KCNN1: variants seen among roughly 807,000 people sequenced by gnomAD.
KCNN1 encodes small conductance calcium-activated potassium channel protein 1.
In KCNN1, 20 loss-of-function variants were observed where a neutral mutation model predicts 44.7. The observed-to-expected ratio is 0.45, with a 90% CI of 0.32 to 0.65. KCNN1 has a LOEUF of 0.65. Among genes scored for constraint, KCNN1 ranks in the 30% least tolerant of loss-of-function variants. The pLI, the probability that KCNN1 is intolerant of heterozygous loss-of-function variation, is 0.05. For synonymous variants in KCNN1, 324 were observed against 341.7 expected (o/e 0.95, Z 0.57); for missense variants, 632 against 785.3 (o/e 0.80, Z 2.33).
Position 17,967,141 on chromosome 19 carries a change from C to T in KCNN1, c.-258C>T. ...CCCCCCGCCGGGCCCGTGGACTGGG[C>T]GGCGGGGGATGCGCCTGCCGCCGCC... On this transcript the variant is annotated 5_prime_UTR_variant, in exon 1 of 10. Coordinates refer to ENST00000684775, the MANE Select transcript of KCNN1 (RefSeq NM_001386974.1). 1 of 972,192 alleles carries T rather than the reference C, an allele frequency of 1.0e-6. No homozygotes were observed. The allele number at this position is 972,192 out of a possible 1,614,324, so 60.2% of individuals were successfully genotyped here. A position where few individuals can be genotyped will look rare whatever the true frequency, so the allele number is the denominator to read the frequency against.
chr19:17,951,716 G>A (rs894268570), intron 1 of KCNN1, among the ~76,000 whole-genome samples: 11 of 152,184 alleles, frequency 7.2e-5, no homozygotes. Flanking sequence ...TTCCTAGCTG[G>A]GACCTTCCAG....
rs2032760215 is a variant in KCNN1 at position 17,990,736 on chromosome 19, C to G, written c.1298+893C>G. Reference sequence around the variant, plus strand: ...AATGGCATGAACCCAGGAGGCGGAGCTCGCAGTAAGCTGAGATTGCGCCGC... The same window carrying G: ...AATGGCATGAACCCAGGAGGCGGAGGTCGCAGTAAGCTGAGATTGCGCCGC... On this transcript the variant is annotated intron_variant, in intron 7 of 9. Coordinates refer to ENST00000684775, the MANE Select transcript of KCNN1 (RefSeq NM_001386974.1). 3.4e-5 allele frequency among the ~76,000 whole-genome samples: 5 copies of G among 148,592 alleles called. No individual in the cohort carries two copies. In the Admixed American group the frequency reaches 3.4e-4, roughly 10 times the overall value.
chr19:17,988,307 C>T, intron 5 of KCNN1, 108 bp from the exon 6 acceptor site: 2 of 828,988 alleles, frequency 2.4e-6, no homozygotes, highest in Non-Finnish European at 3.9e-6. Flanking sequence ...GGAATCCACT[C>T]ACACTGCTGG....
chr19:17,989,898 G>A (rs2032727430), intron 7 of KCNN1, 55 bp downstream of exon 7: 3 of 1,609,904 alleles, frequency 1.9e-6, no homozygotes, highest in East Asian at 2.2e-5. Context: ...CGCGGAGGCA[G>A]CCCTCGCAGC....
rs368157680 is a variant in KCNN1 at position 17,998,120 on chromosome 19, G to A, written c.1378-32G>A. 21 of 1,544,052 alleles carry A rather than the reference G, an allele frequency of 1.4e-5. No homozygotes were observed. The highest frequency in any genetic ancestry group is 6.8e-5 in the African/African-American group (5 of 73,162). On this transcript the variant is annotated intron_variant, in intron 9 of 9. Transcript: ENST00000684775. The surrounding 1 kb of genome is among the most constrained non-coding windows in gnomAD (Gnocchi z 5.4). ...GTCCTTTCCTCTCTCACTCAGCGGC[G>A]CCTCTCTCCTGCCCCTCTCTGTCTC...
At chr19:17,992,765 C>G (rs542115985) in intron 7 of KCNN1, among the ~76,000 whole-genome samples, 1 of 152,196 alleles carries the variant, frequency 6.6e-6, no homozygotes, top group Non-Finnish European at 1.5e-5. Context: ...CTTTACCCCT[C>G]TGAGCCTCAG....
chr19:17,965,897 G>A (rs965615574), upstream of KCNN1, among the ~76,000 whole-genome samples: 1 of 152,090 alleles, frequency 6.6e-6, no homozygotes, highest in Non-Finnish European at 1.5e-5. Context: ...GGGCTCTCCA[G>A]GGGAGGGAAC....
At chr19:17,969,584 G>C (rs897191146) in intron 1 of KCNN1, among the ~76,000 whole-genome samples, 2 of 151,596 alleles carry the variant, frequency 1.3e-5, no homozygotes, top group Non-Finnish European at 2.9e-5. Context: ...ACCTTAGGAC[G>C]CGGCTGCCAG....
Position 17,967,125 on chromosome 19 carries a change from G to A in KCNN1, c.-274G>A, listed in dbSNP as rs1487618438. ...CCCGGGCGGGCGCTCGCCCCCCGCC[G>A]GGCCCGTGGACTGGGCGGCGGGGGA... On this transcript the variant is annotated 5_prime_UTR_variant, in exon 1 of 10. Coordinates refer to ENST00000684775, the MANE Select transcript of KCNN1 (RefSeq NM_001386974.1). The A allele has an allele frequency of 1.9e-5, 19 of 977,046 alleles. No homozygotes were observed. Among genetic ancestry groups the A allele is most frequent in the Non-Finnish European group, 2.2e-5 (18 of 824,930 alleles). The allele number at this position is 977,046 out of a possible 1,614,324, so 60.5% of individuals were successfully genotyped here.
At chr19:17,991,919 C>T (rs1057447358) in intron 7 of KCNN1, among the ~76,000 whole-genome samples, 20 of 152,054 alleles carry the variant, frequency 1.3e-4, no homozygotes, top group African/African-American at 3.4e-4. Context: ...GACAGGCGGC[C>T]GGCTAGATTT....
intron 2 of KCNN1, among the ~76,000 whole-genome samples, chr19:17,960,060 G>A (rs1022733866): frequency 6.6e-5 from 10 of 151,110 alleles, no homozygotes; most frequent in African/African-American, 2.4e-4. Flanking sequence ...TCCAGCCTGG[G>A]CAACAGAGTG....
Position 17,983,278 on chromosome 19 carries a change from C to T in KCNN1, c.917+1151C>T, listed in dbSNP as rs935488088. Among the ~76,000 whole-genome samples, 39 of 152,106 alleles carry T rather than the reference C, an allele frequency of 2.6e-4. No homozygotes were observed. The highest frequency in any genetic ancestry group is 1.2e-3 in the East Asian group (6 of 5,178). Reference sequence around the variant, plus strand: ...TCTGGGAGAGGGTCTCCCTGCCATGCGCCTAGCTGGTGGAGGCCCTGGAGG... The same window carrying T: ...TCTGGGAGAGGGTCTCCCTGCCATGTGCCTAGCTGGTGGAGGCCCTGGAGG... On this transcript the variant is annotated intron_variant, in intron 4 of 9. Coordinates refer to ENST00000684775, the MANE Select transcript of KCNN1 (RefSeq NM_001386974.1). The surrounding 1 kb of genome is among the most constrained non-coding windows in gnomAD (Gnocchi z 4.5).
chr19:17,980,228 ATTTTTTTTTTTTTTTT>A (rs34810089), intron 3 of KCNN1, among the ~76,000 whole-genome samples: 7 of 44,530 alleles, frequency 1.6e-4, no homozygotes, highest in South Asian at 1.2e-3. Context: ...CACCTAGCTA[ATTTTTTTTTTTTTTTT>A]TTTTTTTTTT....
intron 9 of KCNN1, among the ~76,000 whole-genome samples, chr19:17,994,957 C>T (rs766713343): frequency 1.3e-5 from 2 of 152,202 alleles, no homozygotes; most frequent in African/African-American, 2.4e-5. Flanking sequence ...TGACCAATGA[C>T]ATAGTTTCAG....
rs775189037 is a variant in KCNN1 at position 17,988,404 on chromosome 19, C to T, written c.1060-11C>T. 2 of 1,606,922 alleles carry T rather than the reference C, an allele frequency of 1.2e-6. No individual in the cohort carries two copies. The highest frequency in any genetic ancestry group is 8.5e-7 in the Non-Finnish European group (1 of 1,176,676). ...CAGGACGCTGATGTGCCCCCTCTGC[C>T]CTGCACACAGGGAGCTGGCTGTACC... On this transcript the variant is annotated splice_polypyrimidine_tract_variant and intron_variant, in intron 5 of 9. Coordinates refer to ENST00000684775, the MANE Select transcript of KCNN1 (RefSeq NM_001386974.1).
In KCNN1 at chr19:17,999,663, T is replaced by C. The variant is rs1038226551; in HGVS notation, c.*1257T>C. ...GAATCAGAAAGGTCCCTGGAGGCCA[T>C]GGGCTTGGGTGCTGGGAGCAACAGG... is the stretch of plus-strand genomic sequence containing the variant. On this transcript the variant is annotated 3_prime_UTR_variant, in exon 10 of 10. Coordinates refer to ENST00000684775, the MANE Select transcript of KCNN1 (RefSeq NM_001386974.1). The C allele has an allele frequency of 8.3e-6, 2 of 241,014 alleles. No homozygotes were observed. The highest frequency in any genetic ancestry group is 1.7e-5 in the Non-Finnish European group (2 of 115,442). 14.9% of individuals were successfully genotyped at this position (241,014 alleles called of 1,614,324 possible).
chr19:17,978,212 C>T (rs562325674), intron 3 of KCNN1, among the ~76,000 whole-genome samples: 59 of 148,374 alleles, frequency 4.0e-4, no homozygotes, highest in Non-Finnish European at 7.9e-4. Context: ...TTGCAACCTC[C>T]GCCTCCTGGG....
upstream of KCNN1, among the ~76,000 whole-genome samples, chr19:17,964,537 G>A (rs1334670426): frequency 4.6e-5 from 7 of 152,244 alleles, no homozygotes; most frequent in Non-Finnish European, 8.8e-5. The surrounding 1 kb of genome is among the most constrained non-coding windows in gnomAD (Gnocchi z 4.3). Context: ...TGAGTCCCGG[G>A]GGCGTCTTGG....
At chr19:17,970,116 A>G (rs1023432584) in intron 1 of KCNN1, among the ~76,000 whole-genome samples, 1 of 151,970 alleles carries the variant, frequency 6.6e-6, no homozygotes, top group Non-Finnish European at 1.5e-5. Flanking sequence ...ACTAGGCCAC[A>G]TGAGGCTAGG....
Sources: gnomAD v4.1 joint callset for allele counts (sites outside exome capture counted in the v4.1 genomes callset) on GRCh38, gnomAD v4.1.1 for gene constraint, Gnocchi (gnomAD v3.1) non-coding constraint, MANE v1.5 for transcripts, NCBI Gene and HGNC (gene_info 2026-07-23, HGNC 2026-07-21) for gene names.